Variants in FBXL7 observed in about 807,000 individuals in gnomAD.
FBXL7 encodes the protein F-box and leucine rich repeat protein 7, also known as F-box/LRR-repeat protein 7.
A neutral mutation model predicts 38.3 loss-of-function variants in FBXL7; 12 were observed. The observed-to-expected ratio is 0.31, with a 90% CI of 0.20 to 0.51. FBXL7 has a LOEUF of 0.51. Among genes scored for constraint, FBXL7 ranks in the 20% least tolerant of loss-of-function variants. The probability of loss-of-function intolerance (pLI) is 0.98; values close to 1 mark genes in which losing one functional copy is unlikely to be tolerated. For synonymous variants in FBXL7, 297 were observed against 300.9 expected (o/e 0.99, Z 0.13); for missense variants, 567 against 676.4 (o/e 0.84, Z 1.79).
chr5:15,687,698 G>C (rs1579378566), intron 2 of FBXL7, among the ~76,000 whole-genome samples: 1 of 152,194 alleles, frequency 6.6e-6, no homozygotes, highest in Non-Finnish European at 1.5e-5. Flanking sequence ...AGGACAGTGA[G>C]GAAATGCTTC....
At chr5:15,584,059 G>A (rs919886980) in intron 1 of FBXL7, among the ~76,000 whole-genome samples, 16 of 152,232 alleles carry the variant, frequency 1.1e-4, no homozygotes, top group African/African-American at 2.4e-4. Context: ...GCAGTGGCTC[G>A]AGCTGTACCT....
chr5:15,880,723 A>T (rs1357028561), intron 2 of FBXL7, among the ~76,000 whole-genome samples: 1 of 139,436 alleles, frequency 7.2e-6, no homozygotes, highest in African/African-American at 2.6e-5. Flanking sequence ...ATACTATATT[A>T]TATATATATA....
At chr5:15,871,482 G>A (rs953485979) in intron 2 of FBXL7, among the ~76,000 whole-genome samples, 6 of 152,132 alleles carry the variant, frequency 3.9e-5, no homozygotes, top group Non-Finnish European at 8.8e-5. Context: ...GGCTTCAGAA[G>A]GTGGGTAATA....
At chr5:15,612,350 A>G (rs1417812655) in intron 1 of FBXL7, among the ~76,000 whole-genome samples, 1 of 152,224 alleles carries the variant, frequency 6.6e-6, no homozygotes, top group African/African-American at 2.4e-5. Flanking sequence ...AGAGTGCTCA[A>G]TGAAACATAT....
intron 2 of FBXL7, among the ~76,000 whole-genome samples, chr5:15,639,806 A>G (rs4587075): frequency 0.19 from 29,181 of 151,360 alleles, 2,896 homozygotes; most frequent in Admixed American, 0.21. Context: ...AAGTTTGTTG[A>G]AGTACTTTAG....
chr5:15,927,958 G>A lies in FBXL7; in HGVS notation c.196G>A (p.Gly66Arg). Residue 66 changes from glycine (G) to arginine (R), a missense_variant, in exon 3 of 4, where the codon GGA becomes AGA. Transcript: ENST00000504595. ...CCTGATATGTCCACCGAATCTCCCA[G>A]GATTTCAGAATGGAAGGGGCTCGTC... is the stretch of plus-strand genomic sequence containing the variant. ...PALICPPNLP[G>R]FQNGRGSSTS... is the part of the protein sequence containing the mutation. The A allele has an allele frequency of 6.4e-7, 1 of 1,574,584 alleles. No individual in the cohort carries two copies. Among genetic ancestry groups the A allele is most frequent in the Non-Finnish European group, 8.6e-7 (1 of 1,158,580 alleles).
intron 2 of FBXL7, among the ~76,000 whole-genome samples, chr5:15,794,106 G>A (rs1737352787): frequency 6.6e-6 from 1 of 152,184 alleles, no homozygotes; most frequent in Non-Finnish European, 1.5e-5. Context: ...TTGCATCTTA[G>A]CAAGGAGCCA....
At chr5:15,706,296 C>T (rs1254563498) in intron 2 of FBXL7, among the ~76,000 whole-genome samples, 3 of 152,040 alleles carry the variant, frequency 2.0e-5, no homozygotes, top group East Asian at 1.9e-4. Context: ...TGTGGCACCC[C>T]GCCACCACCA....
At chr5:15,745,933 T>C (rs778422001) in intron 2 of FBXL7, among the ~76,000 whole-genome samples, 12 of 152,170 alleles carry the variant, frequency 7.9e-5, no homozygotes, top group Non-Finnish European at 1.3e-4. Context: ...TGGTCAAGCT[T>C]AGCAGCAGGG....
rs1292580779 is a variant in FBXL7 at position 15,936,465 on chromosome 5, C to A, written c.755C>A (p.Thr252Asn). The change falls in exon 4 of 4, where the codon ACC becomes AAC. Residue 252 changes from threonine (T) to asparagine (N), a missense_variant. By Grantham distance (65) the Thr-to-Asn change is moderately conservative (BLOSUM62 0). Transcript: ENST00000504595. The surrounding 1 kb of genome is among the most constrained non-coding windows in gnomAD (Gnocchi z 6.0). ...CTTTGTGCAGGATGCTCCAAAGTGA[C>A]CTGCATCAGCTTGACCCGGGAGGCC... ...HLDVSGCSKV[T>N]CISLTREASI... 3 of 1,612,966 alleles carry A rather than the reference C, an allele frequency of 1.9e-6. No individual in the cohort carries two copies. In the South Asian group the frequency reaches 3.3e-5, roughly 18 times the overall value.
At chr5:15,507,828 A>C (rs962210230) in intron 1 of FBXL7, among the ~76,000 whole-genome samples, 1 of 152,126 alleles carries the variant, frequency 6.6e-6, no homozygotes, top group Non-Finnish European at 1.5e-5. Context: ...GGATCACCTG[A>C]GGTCAGGAGT....
chr5:15,927,076 G>A (rs1014086018), intron 2 of FBXL7, among the ~76,000 whole-genome samples: 1 of 151,790 alleles, frequency 6.6e-6, no homozygotes, highest in African/African-American at 2.4e-5. Context: ...CGTAATCCCC[G>A]TTCATGTAGA....
At chr5:15,902,118 T>C (rs2126411158) in intron 2 of FBXL7, among the ~76,000 whole-genome samples, 1 of 152,320 alleles carries the variant, frequency 6.6e-6, no homozygotes, top group Non-Finnish European at 1.5e-5. Context: ...CTTAACCTTC[T>C]CTCTGTATGG....
chr5:15,634,583 G>A (rs1278050578), intron 2 of FBXL7, among the ~76,000 whole-genome samples: 1 of 151,756 alleles, frequency 6.6e-6, no homozygotes, highest in Non-Finnish European at 1.5e-5. Flanking sequence ...AGCCTCCCAA[G>A]GTGCTGAGAT....
At chr5:15,679,577 T>C (rs930973893) in intron 2 of FBXL7, among the ~76,000 whole-genome samples, 7 of 122,812 alleles carry the variant, frequency 5.7e-5, no homozygotes, top group Non-Finnish European at 1.2e-4. Context: ...TTTTTTTTTT[T>C]CAGAATGGTG....
rs73752320 is a variant in FBXL7 at position 15,797,097 on chromosome 5, G to C, written c.128-130793G>C. On this transcript the variant is annotated intron_variant, in intron 2 of 3. Coordinates refer to ENST00000504595, the MANE Select transcript of FBXL7 (RefSeq NM_012304.5). ...GACAAAGTAAGTTTCAAAAAAATGT[G>C]ACATAGCTGAGTGACCATCTTGGCT... 9.7e-3 allele frequency among the ~76,000 whole-genome samples: 1,484 copies of C among 152,300 alleles called. 27 individuals are homozygous for C. Among genetic ancestry groups the C allele is most frequent in the African/African-American group, 0.034 (1,396 of 41,572 alleles).
intron 1 of FBXL7, among the ~76,000 whole-genome samples, chr5:15,537,378 T>A (rs1183366161): frequency 6.6e-6 from 1 of 152,212 alleles, no homozygotes; most frequent in African/African-American, 2.4e-5. Context: ...ACACCAAGAC[T>A]CCAGACCAAA....
In FBXL7 at chr5:15,801,208, G is replaced by A. The variant is rs78967954; in HGVS notation, c.128-126682G>A. On this transcript the variant is annotated intron_variant, in intron 2 of 3. Transcript: ENST00000504595. ...TACATTTGCAATAATACCTGGGTCC[G>A]TGTTTGATTAAATAACTGGATACTA... is the stretch of plus-strand genomic sequence containing the variant. 7.5e-3 allele frequency among the ~76,000 whole-genome samples: 1,139 copies of A among 152,252 alleles called. 11 individuals are homozygous for A. The highest frequency in any genetic ancestry group is 0.026 in the African/African-American group (1,066 of 41,544).
chr5:15,532,627 G>C (rs182876788), intron 1 of FBXL7, among the ~76,000 whole-genome samples: 1 of 152,324 alleles, frequency 6.6e-6, no homozygotes, highest in East Asian at 1.9e-4. Context: ...TAAAATGTCA[G>C]TGACCGGCAT....
Sources: allele counts gnomAD v4.1 joint callset (sites outside exome capture counted in the v4.1 genomes callset), GRCh38; gene constraint gnomAD v4.1.1; non-coding constraint Gnocchi (gnomAD v3.1); transcripts MANE v1.5; gene names NCBI Gene and HGNC (gene_info 2026-07-23, HGNC 2026-07-21).